FAR2: variants seen among roughly 807,000 people sequenced by gnomAD.
The protein encoded by FAR2 is epididymis secretory protein Li 81.
Under a neutral mutation model 56.0 loss-of-function variants are expected in FAR2, and 19 were observed. The observed-to-expected ratio is 0.34, with a 90% confidence interval of 0.24 to 0.50. FAR2 has a LOEUF of 0.50. FAR2 is among the 20% of genes least tolerant of loss of function. FAR2 has a pLI of 0.98. For missense variants in FAR2, 508 were observed against 642.2 expected (o/e 0.79, Z 2.26); for synonymous variants, 219 against 218.8 (o/e 1.00, Z -0.01).
In FAR2 at chr12:29,238,165, G is replaced by T. The variant is rs144617528; in HGVS notation, c.-38-32247G>T. On this transcript the variant is annotated intron_variant, in intron 1 of 11. Transcript: ENST00000536681. ...GAATATCCACAATTATCTAAAAAAG[G>T]CTTTTTAAAATACTCCTCCCTTTTC... Among the ~76,000 whole-genome samples, 5 of 152,120 alleles carry T rather than the reference G, an allele frequency of 3.3e-5. No homozygotes were observed. The East Asian group carries it at 9.7e-4, about 29-fold the overall frequency.
chr12:29,189,136 G>A (rs758332212), intron 1 of FAR2, among the ~76,000 whole-genome samples: 3 of 152,048 alleles, frequency 2.0e-5, no homozygotes, highest in Non-Finnish European at 2.9e-5. Flanking sequence ...GAACTCAGCC[G>A]CATCTCCCGG....
chr12:29,196,499 A>T (rs1433470802), intron 1 of FAR2, among the ~76,000 whole-genome samples: 1 of 152,104 alleles, frequency 6.6e-6, no homozygotes, highest in African/African-American at 2.4e-5. Flanking sequence ...TTTGAAAAAT[A>T]TCTGTTCATG....
At chr12:29,161,901 A>G (rs909798183) in intron 1 of FAR2, among the ~76,000 whole-genome samples, 3 of 147,832 alleles carry the variant, frequency 2.0e-5, no homozygotes, top group Non-Finnish European at 3.0e-5. Context: ...CTTTCTATAT[A>G]TTTTTTGGCC....
intron 1 of FAR2, among the ~76,000 whole-genome samples, chr12:29,248,931 T>C (rs1591889435): frequency 6.6e-6 from 1 of 152,226 alleles, no homozygotes; most frequent in Non-Finnish European, 1.5e-5. Flanking sequence ...AGTTTAAGGG[T>C]ATCTCTGCTA....
intron 1 of FAR2, among the ~76,000 whole-genome samples, chr12:29,261,568 A>G (rs1293155583): frequency 6.6e-6 from 1 of 152,226 alleles, no homozygotes; most frequent in Non-Finnish European, 1.5e-5. Context: ...AAGTATAAGG[A>G]GGTTATAGAA....
intron 6 of FAR2, among the ~76,000 whole-genome samples, chr12:29,310,330 CGTTGCAAATCAAT>C (rs1280504821): frequency 6.6e-6 from 1 of 152,150 alleles, no homozygotes; most frequent in Non-Finnish European, 1.5e-5. Context: ...AAGTGCTAAT[CGTTGCAAATCAAT>C]GTTGGAAACA....
intron 8 of FAR2, among the ~76,000 whole-genome samples, chr12:29,314,515 G>A (rs141896056): frequency 1.0e-3 from 150 of 150,716 alleles, no homozygotes; most frequent in African/African-American, 3.6e-3. Context: ...GAGATAAAGT[G>A]CTTAGCACAG....
chr12:29,268,577 T>G (rs1269707389), intron 1 of FAR2, among the ~76,000 whole-genome samples: 11 of 152,196 alleles, frequency 7.2e-5, no homozygotes, highest in Admixed American at 7.2e-4. Context: ...GCCTCCCTTT[T>G]CAGCCTCCTC....
At chr12:29,302,389 G>A (rs1449355922) in intron 4 of FAR2, among the ~76,000 whole-genome samples, 1 of 152,128 alleles carries the variant, frequency 6.6e-6, no homozygotes, top group Admixed American at 6.6e-5. Context: ...GTGGAGGGAG[G>A]CATATGAGAA....
chr12:29,164,171 G>C (rs1298654144), intron 1 of FAR2, among the ~76,000 whole-genome samples: 2 of 152,102 alleles, frequency 1.3e-5, no homozygotes, highest in Non-Finnish European at 2.9e-5. Context: ...TTTCAAAATC[G>C]ATTGCACCAA....
chr12:29,239,594 T>C (rs974845650), intron 1 of FAR2, among the ~76,000 whole-genome samples: 1 of 152,006 alleles, frequency 6.6e-6, no homozygotes, highest in East Asian at 1.9e-4. Flanking sequence ...GAAGAGATGA[T>C]GTGAGGTGAT....
At chr12:29,156,890 G>C (rs1409847104) in intron 1 of FAR2, 1 of 151,716 alleles carries the variant, frequency 6.6e-6, no homozygotes, top group African/African-American at 2.4e-5. Flanking sequence ...TCGAGACCTG[G>C]TGCTTGGCTC....
intron 1 of FAR2, among the ~76,000 whole-genome samples, chr12:29,200,708 G>A (rs958457326): frequency 2.6e-5 from 4 of 152,178 alleles, no homozygotes; most frequent in African/African-American, 9.7e-5. Context: ...TAAAGGAAGA[G>A]TAGTTTACCT....
At chr12:29,188,829 C>G (rs1950071750) in intron 1 of FAR2, among the ~76,000 whole-genome samples, 1 of 151,406 alleles carries the variant, frequency 6.6e-6, no homozygotes, top group African/African-American at 2.4e-5. Context: ...GTCAGGTACC[C>G]TGTAAAAATT....
At chr12:29,241,728 G>A (rs983878737) in intron 1 of FAR2, among the ~76,000 whole-genome samples, 7 of 152,098 alleles carry the variant, frequency 4.6e-5, no homozygotes, top group African/African-American at 9.7e-5. Flanking sequence ...CCTTCAAAAC[G>A]AAAAGTCTCC....
intron 1 of FAR2, among the ~76,000 whole-genome samples, chr12:29,259,108 T>C (rs1248634691): frequency 2.6e-5 from 4 of 152,216 alleles, no homozygotes; most frequent in Admixed American, 2.6e-4. Context: ...AATGTGCTGG[T>C]ATGAAATGAA....
intron 4 of FAR2, among the ~76,000 whole-genome samples, chr12:29,305,310 A>AT (rs975240149): frequency 1.3e-4 from 19 of 150,926 alleles, no homozygotes; most frequent in Non-Finnish European, 1.8e-4. Flanking sequence ...ATTTTTTTAC[A>AT]TTTTTTTTGT....
chr12:29,248,216 C>G (rs1396529220), intron 1 of FAR2, among the ~76,000 whole-genome samples: 1 of 152,092 alleles, frequency 6.6e-6, no homozygotes, highest in East Asian at 1.9e-4. Context: ...ATCAAGTAAC[C>G]AGATTATTTT....
intron 10 of FAR2, among the ~76,000 whole-genome samples, chr12:29,332,172 G>A (rs985667124): frequency 2.0e-5 from 3 of 152,166 alleles, no homozygotes; most frequent in African/African-American, 4.8e-5. Flanking sequence ...AATGCTGTAG[G>A]AAAGGATGGT....
Sources: allele counts gnomAD v4.1 joint callset (sites outside exome capture counted in the v4.1 genomes callset), GRCh38; gene constraint gnomAD v4.1.1; transcripts MANE v1.5; gene names NCBI Gene and HGNC (gene_info 2026-07-23, HGNC 2026-07-21).